Variants in SETX observed in about 807,000 individuals in gnomAD.
SETX encodes the protein senataxin, also known as helicase senataxin.
Under a neutral mutation model 227.2 loss-of-function variants are expected in SETX, and 90 were observed. The ratio of observed to expected loss-of-function variants is 0.40; its 90% confidence interval spans 0.33 to 0.47. The LOEUF is 0.47. SETX is among the 20% of genes least tolerant of loss of function. The pLI, the probability that SETX is intolerant of heterozygous loss-of-function variation, is 0.91. For missense variants in SETX, 3,052 were observed against 3,181.5 expected, an observed-to-expected ratio of 0.96 and a Z score of 0.98; for synonymous variants, 1,210 against 1,113.2, an observed-to-expected ratio of 1.09 and a Z score of -1.73.
At chr9:132,338,130 C>T (rs1414102372) in intron 5 of SETX, among the ~76,000 whole-genome samples, 7 of 138,108 alleles carry the variant, frequency 5.1e-5, no homozygotes, top group Non-Finnish European at 1.1e-4. Flanking sequence ...CTTACTCTAT[C>T]GCCCAGGCTG....
At chr9:132,346,573 G>T in intron 3 of SETX, 102 bp from the exon 4 acceptor site, 1 of 804,050 alleles carries the variant, frequency 1.2e-6, no homozygotes, top group Non-Finnish European at 2.1e-6. Flanking sequence ...CAAAAATTCT[G>T]AAATGTAAAG....
intron 18 of SETX, among the ~76,000 whole-genome samples, chr9:132,284,919 C>A (rs1843755073): frequency 1.3e-5 from 2 of 151,316 alleles, no homozygotes; most frequent in African/African-American, 4.9e-5. Context: ...CGCTCTGTCA[C>A]CCAGGCTGGA....
intron 17 of SETX, 67 bp downstream of exon 17, chr9:132,288,169 C>A (rs184683692): frequency 1.0e-5 from 13 of 1,259,098 alleles, no homozygotes; most frequent in Non-Finnish European, 1.4e-5. Context: ...GAGCAAGACT[C>A]TGTCTCAAAA....
At position 132,329,745 on chromosome 9, in the gene SETX, G is replaced by C; in HGVS notation, c.1853C>G (p.Ser618Cys). The C allele has an allele frequency of 6.2e-7, 1 of 1,614,096 alleles. No homozygotes were observed. The highest frequency in any genetic ancestry group is 8.5e-7 in the Non-Finnish European group (1 of 1,180,016). The change falls in exon 10 of 26, where the codon TCT becomes TGT. Residue 618 changes from serine (S) to cysteine (C), a missense_variant. Ser to Cys is a moderately radical substitution (Grantham distance 112). Transcript: ENST00000224140. The part of the protein sequence containing the change: ...LTSACKISPA[S>C]YNKEESEQMG... Reference sequence around the variant, plus strand: ...TTGTTCACTTTCTTCTTTATTATAAGATGCAGGAGAGATTTTACATGCAGA... The same window carrying C: ...TTGTTCACTTTCTTCTTTATTATAACATGCAGGAGAGATTTTACATGCAGA...
Position 132,281,601 on chromosome 9 carries a change from A to G in SETX, c.6547-27T>C, listed in dbSNP as rs114889188. 1,259 of 1,476,340 alleles carry G rather than the reference A, an allele frequency of 8.5e-4. 7 individuals carry two copies. The African/African-American group carries it at 0.016, about 18-fold the overall frequency. 91.5% of individuals were successfully genotyped at this position (1,476,340 alleles called of 1,614,324 possible). On this transcript the variant is annotated intron_variant, in intron 19 of 25. Coordinates refer to ENST00000224140, the MANE Select transcript of SETX (RefSeq NM_015046.7). Reference sequence around the variant, plus strand: ...TTGGTAAGATACAGAAGAGAGAGGCAGTCTTAACAATCTTTGCTATTTATC... The same window carrying G: ...TTGGTAAGATACAGAAGAGAGAGGCGGTCTTAACAATCTTTGCTATTTATC...
chr9:132,329,695 T>C lies in SETX; in HGVS notation c.1903A>G (p.Met635Val). Residue 635 changes from methionine (M) to valine (V), a missense_variant, in exon 10 of 26, where the codon ATG becomes GTG. Around this residue, in one of 10 missense-constraint regions of SETX, gnomAD observed 1,483 missense variants for 1,312.0 expected, o/e 1.13. Coordinates refer to ENST00000224140, the MANE Select transcript of SETX (RefSeq NM_015046.7). ...GGGCTGGAAGCTTCCAAACAATGCA[T>C]ATCTTTTCTAGACGTCTTCCCCATT... ...EQMGKTSRKD[M>V]HCLEASSPTF... The C allele has an allele frequency of 6.2e-7, 1 of 1,614,116 alleles. No homozygotes were observed. Among genetic ancestry groups the C allele is most frequent in the South Asian group, 1.1e-5 (1 of 91,072 alleles).
chr9:132,326,225 C>G (rs998530203), intron 10 of SETX, 99 bp downstream of exon 10: 60 of 959,544 alleles, frequency 6.3e-5, no homozygotes, highest in Non-Finnish European at 9.3e-5. Flanking sequence ...CGCAACCACG[C>G]CTGGCTGATT....
At chr9:132,330,636 T>TATACA (rs1400292039) in intron 9 of SETX, 137 bp from the exon 10 acceptor site, 16 of 706,866 alleles carry the variant, frequency 2.3e-5, no homozygotes, top group Non-Finnish European at 2.2e-5. Flanking sequence ...TATACAATGG[T>TATACA]ATAATTGTGG....
intron 11 of SETX, among the ~76,000 whole-genome samples, chr9:132,310,967 TTTTG>T (rs1207321856): frequency 2.6e-5 from 4 of 152,150 alleles, no homozygotes; most frequent in African/African-American, 9.7e-5. Context: ...AGTTGTTGTT[TTTTG>T]TTTTTGTTTT....
chr9:132,264,297 C>T lies in SETX; in HGVS notation c.7976G>A (p.Trp2659Ter). 6.2e-7 allele frequency: 1 copy of T among 1,614,224 alleles called. No homozygotes were observed. The highest frequency in any genetic ancestry group is 1.3e-5 in the African/African-American group (1 of 75,058). ...ETHHTRRNSR[W>*]DKRTLEQEDS... ...CTCCTGCTCCAGTGTCCTCTTGTCC[C>T]ACCTAGAGTTCCTCCTGGTGTGATG... Residue 2659 changes from tryptophan (W) to a stop codon, truncating the protein, a stop_gained, in exon 26 of 26, where the codon TGG (tryptophan) becomes TAG (stop). Transcript: ENST00000224140. LOFTEE classifies it low-confidence loss of function (END_TRUNC).
chr9:132,319,649 T>G (rs61353054), intron 10 of SETX, among the ~76,000 whole-genome samples: 1,940 of 152,308 alleles, frequency 0.013, 54 homozygotes, highest in African/African-American at 0.044. Flanking sequence ...GTCAGCCAGG[T>G]CTCAAGAGCA....
chr9:132,270,113 C>T (rs1302925909), intron 24 of SETX, among the ~76,000 whole-genome samples: 1 of 47,474 alleles, frequency 2.1e-5, no homozygotes, highest in African/African-American at 1.1e-4. Context: ...AATGACTCAG[C>T]GTGCCCGTGT....
intron 14 of SETX, among the ~76,000 whole-genome samples, chr9:132,296,535 C>T (rs1844679363): frequency 6.6e-6 from 1 of 151,890 alleles, no homozygotes; most frequent in Non-Finnish European, 1.5e-5. Context: ...TGTACCCTAA[C>T]CTGGATGACA....
intron 19 of SETX, chr9:132,282,977 G>A (rs1589636608): frequency 2.3e-6 from 1 of 439,612 alleles, no homozygotes; most frequent in East Asian, 4.8e-5. Flanking sequence ...TACTTCAAAA[G>A]GTTACCAGAG....
rs537324110 is a variant in SETX at position 132,323,407 on chromosome 9, C to T, written c.5274+2917G>A. ...AAGGCAATTACAGCATACTACATGGCTTAGCTGAAGATATCTTTCACATAG... is the reference window on the plus strand; with the variant it reads ...AAGGCAATTACAGCATACTACATGGTTTAGCTGAAGATATCTTTCACATAG... On this transcript the variant is annotated intron_variant, in intron 10 of 25. Coordinates refer to ENST00000224140, the MANE Select transcript of SETX (RefSeq NM_015046.7). Among the ~76,000 whole-genome samples the T allele has an allele frequency of 1.8e-3, 273 of 152,248 alleles. 2 individuals carry two copies. Among genetic ancestry groups the T allele is most frequent in the South Asian group, 0.015 (73 of 4,822 alleles).
chr9:132,316,031 T>C lies in SETX; in HGVS notation c.5275-4175A>G, dbSNP rs185786522. Among the ~76,000 whole-genome samples, 5 of 152,366 alleles carry C rather than the reference T, an allele frequency of 3.3e-5. No homozygotes were observed. In the East Asian group the frequency reaches 9.6e-4, roughly 29 times the overall value. ...GACTCACATAGTACTCTTTAGTATG[T>C]AATGGCTTCATTTTACTCATCCATC... is the stretch of plus-strand genomic sequence containing the variant. On this transcript the variant is annotated intron_variant, in intron 10 of 25. Transcript: ENST00000224140.
Position 132,262,525 on chromosome 9 carries a change from C to G in SETX, c.*1714G>C, listed in dbSNP as rs973448167. The G allele has an allele frequency of 2.0e-5, 3 of 152,404 alleles. No homozygotes were observed. The highest frequency in any genetic ancestry group is 2.9e-5 in the Non-Finnish European group (2 of 68,056). 9.4% of individuals were successfully genotyped at this position (152,404 alleles called of 1,614,324 possible). A position where few individuals can be genotyped will look rare whatever the true frequency, so the allele number is the denominator to read the frequency against. ...CCCATCCCTACCCGTCCTGAACTGT[C>G]GCACACTGCATGGCCAAAGACAAAC... On this transcript the variant is annotated 3_prime_UTR_variant, in exon 26 of 26. Coordinates refer to ENST00000224140, the MANE Select transcript of SETX (RefSeq NM_015046.7).
chr9:132,343,918 C>T (rs1848138153), intron 4 of SETX, among the ~76,000 whole-genome samples: 1 of 152,092 alleles, frequency 6.6e-6, no homozygotes, highest in Non-Finnish European at 1.5e-5. Context: ...TGTTATCCTA[C>T]AGGGCAAATA....
At chr9:132,298,350 A>G in intron 12 of SETX, 38 bp from the exon 13 acceptor site, 1 of 1,497,032 alleles carries the variant, frequency 6.7e-7, no homozygotes, top group Middle Eastern at 1.7e-4. Flanking sequence ...TTCAGTTATC[A>G]CTGAATAATG....
Sources: gnomAD v4.1 joint callset for allele counts (sites outside exome capture counted in the v4.1 genomes callset) on GRCh38, gnomAD v4.1.1 for gene constraint, gnomAD v4.1.1 regional missense constraint, MANE v1.5 for transcripts, NCBI Gene and HGNC (gene_info 2026-07-23, HGNC 2026-07-21) for gene names.